The following PAPPA2 variants were observed in gnomAD, a reference collection of about 807,000 sequenced individuals.
PAPPA2 encodes the protein pappalysin 2.
Under a neutral mutation model 176.4 loss-of-function variants are expected in PAPPA2, and 86 were observed. That is an observed-to-expected ratio of 0.49 (90% confidence interval 0.41 to 0.58). The LOEUF (loss-of-function observed/expected upper bound fraction) is 0.58. Among genes scored for constraint, PAPPA2 ranks in the 20% least tolerant of loss-of-function variants. The probability of loss-of-function intolerance (pLI) is 0.00; values close to 1 mark genes in which losing one functional copy is unlikely to be tolerated. For synonymous variants in PAPPA2, 809 were observed against 852.2 expected (o/e 0.95, Z 0.88); for missense variants, 2,073 against 2,256.9 (o/e 0.92, Z 1.65).
At chr1:176,554,589 A>G (rs1651157875) in intron 1 of PAPPA2, among the ~76,000 whole-genome samples, 1 of 152,176 alleles carries the variant, frequency 6.6e-6, no homozygotes, top group African/African-American at 2.4e-5. Flanking sequence ...TTTCAAATCA[A>G]TTGGAAACAT....
chr1:176,698,234 A>T (rs1660474827), intron 7 of PAPPA2, among the ~76,000 whole-genome samples: 1 of 152,208 alleles, frequency 6.6e-6, no homozygotes, highest in African/African-American at 2.4e-5. Flanking sequence ...CATTGTATAG[A>T]TCTACACTGC....
chr1:176,565,233 G>T (rs1275881214), intron 2 of PAPPA2, among the ~76,000 whole-genome samples: 1 of 152,118 alleles, frequency 6.6e-6, no homozygotes, highest in Admixed American at 6.5e-5. Context: ...GTGCACAAGT[G>T]GATATTTTTC....
chr1:176,758,403 T>C (rs541458327), intron 14 of PAPPA2, among the ~76,000 whole-genome samples: 6 of 152,210 alleles, frequency 3.9e-5, no homozygotes, highest in Non-Finnish European at 7.3e-5. Flanking sequence ...ATAGCAAAGC[T>C]ATCTAAGGAT....
At chr1:176,794,875 C>A (rs1571338665) in intron 20 of PAPPA2, among the ~76,000 whole-genome samples, 1 of 152,178 alleles carries the variant, frequency 6.6e-6, no homozygotes, top group Non-Finnish European at 1.5e-5. Flanking sequence ...ACCTGTTACG[C>A]ATGGGGATCT....
At chr1:176,730,811 C>T (rs113140996) in intron 12 of PAPPA2, among the ~76,000 whole-genome samples, 1,773 of 151,996 alleles carry the variant, frequency 0.012, 19 homozygotes, top group Non-Finnish European at 0.019. Context: ...GTCATTCAGT[C>T]GTAAGTATTT....
At chr1:176,567,670 T>C (rs1005046623) in intron 2 of PAPPA2, among the ~76,000 whole-genome samples, 2 of 152,228 alleles carry the variant, frequency 1.3e-5, no homozygotes, top group African/African-American at 4.8e-5. Flanking sequence ...GCCTGTAAAC[T>C]GTAAACGGAT....
chr1:176,635,007 A>G (rs985242291), intron 3 of PAPPA2, among the ~76,000 whole-genome samples: 1 of 150,256 alleles, frequency 6.7e-6, no homozygotes, highest in Non-Finnish European at 1.5e-5. Flanking sequence ...AGATAGATAG[A>G]TAGATAGATG....
At chr1:176,564,165 G>A (rs1651827010) in intron 2 of PAPPA2, among the ~76,000 whole-genome samples, 1 of 152,162 alleles carries the variant, frequency 6.6e-6, no homozygotes, top group Admixed American at 6.5e-5. Context: ...GGGTTCAATA[G>A]GTCTGGGGCA....
At position 176,616,705 on chromosome 1, in the gene PAPPA2, T is replaced by C. The variant is rs766920669; in HGVS notation, c.1991+21110T>C. 58 of 1,476,326 alleles carry C rather than the reference T, an allele frequency of 3.9e-5. 1 individual carries two copies. Among genetic ancestry groups the C allele is most frequent in the Admixed American group, 2.6e-4 (15 of 58,580 alleles). 91.5% of individuals were successfully genotyped at this position (1,476,326 alleles called of 1,614,324 possible). On this transcript the variant is annotated intron_variant, in intron 3 of 22. Coordinates refer to ENST00000367662, the MANE Select transcript of PAPPA2 (RefSeq NM_020318.3). ...AGCTCCTCTATAAATTTATTTAAGGTCACATTGGTTGGATTGTGTGTAATA... is the reference window on the plus strand; with the variant it reads ...AGCTCCTCTATAAATTTATTTAAGGCCACATTGGTTGGATTGTGTGTAATA...
At chr1:176,751,226 C>T (rs1663159991) in intron 14 of PAPPA2, among the ~76,000 whole-genome samples, 1 of 152,014 alleles carries the variant, frequency 6.6e-6, no homozygotes. Flanking sequence ...CAGTACCATG[C>T]TGTTTTGGTT....
chr1:176,757,821 G>A (rs1663500268), intron 14 of PAPPA2, among the ~76,000 whole-genome samples: 1 of 152,100 alleles, frequency 6.6e-6, no homozygotes, highest in Non-Finnish European at 1.5e-5. Flanking sequence ...TTCTTCTAGG[G>A]TTTTTATGGT....
At chr1:176,466,553 A>G (rs1651628005) in intron 1 of PAPPA2, among the ~76,000 whole-genome samples, 1 of 152,118 alleles carries the variant, frequency 6.6e-6, no homozygotes, top group Non-Finnish European at 1.5e-5. Context: ...CCATACTTAC[A>G]TATTACAGGG....
chr1:176,710,151 T>C lies in PAPPA2; in HGVS notation c.3626T>C (p.Leu1209Ser). The change falls in exon 11 of 23, where the codon TTG (leucine) becomes TCG (serine). Residue 1209 changes from leucine (L) to serine (S), a missense_variant. By Grantham distance (145) the Leu-to-Ser change is moderately radical. This residue lies in a region of PAPPA2 where 846 missense variants were observed against 857.9 expected (regional missense o/e 0.99). Coordinates refer to ENST00000367662, the MANE Select transcript of PAPPA2 (RefSeq NM_020318.3). The part of the protein sequence containing the change: ...HEDKKKCPVS[L>S]VTGEPHSLIC... ...GACAAGAAGAAGTGTCCTGTTTCCT[T>C]GGTAACTGGAGAACCTCATTCCCTA... The C allele has an allele frequency of 1.2e-6, 2 of 1,613,558 alleles. No individual in the cohort carries two copies. Among genetic ancestry groups the C allele is most frequent in the Non-Finnish European group, 8.5e-7 (1 of 1,179,672 alleles).
At chr1:176,764,748 A>G (rs981239041) in intron 14 of PAPPA2, among the ~76,000 whole-genome samples, 2 of 152,056 alleles carry the variant, frequency 1.3e-5, no homozygotes, top group African/African-American at 4.8e-5. Context: ...AGGTGCCTGC[A>G]ACCACATCCG....
intron 11 of PAPPA2, 146 bp downstream of exon 11, chr1:176,710,322 C>A: frequency 1.4e-6 from 1 of 714,358 alleles, no homozygotes; most frequent in Non-Finnish European, 2.2e-6. Context: ...GATCTGCCAG[C>A]ATTGCTATTA....
intron 1 of PAPPA2, among the ~76,000 whole-genome samples, chr1:176,516,371 C>A (rs1200044250): frequency 2.0e-5 from 3 of 151,948 alleles, no homozygotes; most frequent in Non-Finnish European, 4.4e-5. Flanking sequence ...ACTCCCCCAT[C>A]CCCTGCCTTA....
chr1:176,729,696 C>T (rs1662043422), intron 12 of PAPPA2, among the ~76,000 whole-genome samples: 2 of 152,132 alleles, frequency 1.3e-5, no homozygotes, highest in South Asian at 4.1e-4. Context: ...TATTTGTGTG[C>T]CATTGTGCAT....
intron 21 of PAPPA2, among the ~76,000 whole-genome samples, chr1:176,816,414 C>T (rs939832734): frequency 6.6e-6 from 1 of 150,880 alleles, no homozygotes; most frequent in Non-Finnish European, 1.5e-5. Context: ...CATACACACT[C>T]CTGCACTTTT....
chr1:176,671,911 T>G (rs1573228347), intron 4 of PAPPA2, among the ~76,000 whole-genome samples: 1 of 78,034 alleles, frequency 1.3e-5, no homozygotes, highest in Admixed American at 2.1e-4. Flanking sequence ...GGGACTGTTG[T>G]GGGGTGGGGG....
Sources: allele counts gnomAD v4.1 joint callset (sites outside exome capture counted in the v4.1 genomes callset), GRCh38; gene constraint gnomAD v4.1.1; regional missense constraint gnomAD v4.1.1; transcripts MANE v1.5; gene names NCBI Gene and HGNC (gene_info 2026-07-23, HGNC 2026-07-21).